Variants in A2M observed in about 807,000 individuals in gnomAD.
A2M encodes the protein alpha-2-macroglobulin, also known as C3 and PZP-like alpha-2-macroglobulin domain-containing protein 5.
A neutral mutation model predicts 183.9 loss-of-function variants in A2M; 128 were observed. The observed-to-expected ratio is 0.70, with a 90% confidence interval of 0.60 to 0.81. A2M has a LOEUF of 0.81. A2M is among the 30% of genes least tolerant of loss of function. The pLI, the probability that A2M is intolerant of heterozygous loss-of-function variation, is 0.00. For missense variants in A2M, 1,495 were observed against 1,787.6 expected (o/e 0.84, Z 2.95); for synonymous variants, 592 against 670.8 (o/e 0.88, Z 1.81).
intron 22 of A2M, among the ~76,000 whole-genome samples, chr12:9,083,061 C>T (rs957630668): frequency 6.6e-6 from 1 of 152,158 alleles, no homozygotes; most frequent in Non-Finnish European, 1.5e-5. Context: ...CCTATTTCTC[C>T]ACATCCTCTC....
Position 9,079,795 on chromosome 12 carries a change from TG to T in A2M, c.2874del (p.Met959CysfsTer32). 6.2e-7 allele frequency: 1 copy of T among 1,610,416 alleles called. No individual in the cohort carries two copies. The highest frequency in any genetic ancestry group is 8.5e-7 in the Non-Finnish European group (1 of 1,178,406). Reference protein sequence around the residue: ...VSVLGDILGSAMQNTQNLLQM... With the variant: ...VSVLGDILGSXMQNTQNLLQM... Reference sequence around the variant, plus strand: ...TGGAGAAGATTTTGTGTGTTTTGCATGGCAGAGCCTAATATGTCTCCTAGAG... The same window carrying T: ...TGGAGAAGATTTTGTGTGTTTTGCATGCAGAGCCTAATATGTCTCCTAGAG... On this transcript the variant is annotated frameshift_variant, in exon 24 of 36. Transcript: ENST00000318602. LOFTEE classifies it high-confidence loss of function.
chr12:9,103,272 G>A (rs895088404), intron 11 of A2M, among the ~76,000 whole-genome samples: 3 of 152,150 alleles, frequency 2.0e-5, no homozygotes, highest in Non-Finnish European at 4.4e-5. Flanking sequence ...CAAGAGTCAG[G>A]TGTTAGTATT....
intron 28 of A2M, among the ~76,000 whole-genome samples, chr12:9,075,998 C>T (rs1185985809): frequency 2.0e-5 from 3 of 152,150 alleles, no homozygotes; most frequent in African/African-American, 7.2e-5. Context: ...TAATGGACAT[C>T]TTGTGATTTG....
In A2M at chr12:9,113,414, G is replaced by C; in HGVS notation, c.216C>G (p.Ser72Arg). ...TCTCCGCCTCCAGGTCAGTGAAGAG[G>C]CTCCTGTTTCCCCTGACAGACTCCA... ...ASLESVRGNRSLFTDLEAEND... is the reference protein window; with the variant it reads ...ASLESVRGNRRLFTDLEAEND... The change falls in exon 2 of 36, where the codon AGC becomes AGG. Residue 72 changes from serine (S) to arginine (R), a missense_variant. Transcript: ENST00000318602. 1.2e-6 allele frequency: 2 copies of C among 1,613,722 alleles called. No homozygotes were observed. Among genetic ancestry groups the C allele is most frequent in the South Asian group, 1.1e-5 (1 of 91,040 alleles).
At chr12:9,111,937 T>C in intron 4 of A2M, 1 of 696,178 alleles carries the variant, frequency 1.4e-6, no homozygotes, top group Non-Finnish European at 2.7e-6. Flanking sequence ...GTAAATTTAA[T>C]TGTGTGACAA....
intron 31 of A2M, 49 bp from the exon 32 acceptor site, chr12:9,070,627 A>T: frequency 7.5e-7 from 1 of 1,336,598 alleles, no homozygotes; most frequent in Non-Finnish European, 1.1e-6. Context: ...GTTTTTAAAT[A>T]TTTTCTTCTT....
intron 22 of A2M, among the ~76,000 whole-genome samples, chr12:9,087,010 G>T (rs191382829): frequency 7.1e-4 from 108 of 151,958 alleles, no homozygotes; most frequent in African/African-American, 2.4e-3. Context: ...GATTGAGAAA[G>T]AAATAAAAAC....
chr12:9,084,114 GA>G (rs1314187012), intron 22 of A2M, among the ~76,000 whole-genome samples: 1 of 152,034 alleles, frequency 6.6e-6, no homozygotes, highest in Non-Finnish European at 1.5e-5. Context: ...AGAAATGAGG[GA>G]GAAATAAAAC....
chr12:9,082,989 G>A (rs147821090), intron 22 of A2M, among the ~76,000 whole-genome samples: 7 of 152,176 alleles, frequency 4.6e-5, no homozygotes, highest in Non-Finnish European at 8.8e-5. Flanking sequence ...CTGAGGAATC[G>A]CCACATTGAC....
Position 9,098,616 on chromosome 12 carries a change from C to T in A2M, c.1842G>A (p.Ser614=), listed in dbSNP as rs377199092. Residue 614 remains serine (S), a synonymous_variant, in exon 15 of 36, where the codon TCG becomes TCA. Transcript: ENST00000318602. ...GCTGCCAGGAACTCACCGAGGACGC[C>T]GAGAGCTCAGCATCAGGCTTCATGA... ...VLLMKPDAEL[S]ASSVYNLLPE... The T allele has an allele frequency of 1.9e-5, 31 of 1,602,102 alleles. No individual in the cohort carries two copies. Among genetic ancestry groups the T allele is most frequent in the Admixed American group, 5.1e-5 (3 of 58,288 alleles).
intron 10 of A2M, 43 bp downstream of exon 10, chr12:9,106,193 G>GT (rs1565601004): frequency 8.6e-7 from 1 of 1,159,726 alleles, no homozygotes; most frequent in Non-Finnish European, 1.3e-6. Flanking sequence ...TGCTAATTAG[G>GT]TAACAGTACA....
chr12:9,100,317 A>G (rs1937728235), intron 13 of A2M, among the ~76,000 whole-genome samples: 1 of 152,192 alleles, frequency 6.6e-6, no homozygotes, highest in Non-Finnish European at 1.5e-5. Context: ...ATTCTCTAAC[A>G]CAATTCTCAT....
At chr12:9,109,209 C>T (rs757388386) in intron 7 of A2M, 112 bp downstream of exon 7, 10 of 725,768 alleles carry the variant, frequency 1.4e-5, no homozygotes, top group Non-Finnish European at 1.9e-5. Context: ...GCTGTCAAAG[C>T]ACTTAAAATT....
At chr12:9,094,917 A>C in intron 17 of A2M, 56 bp downstream of exon 17, 2 of 985,088 alleles carry the variant, frequency 2.0e-6, no homozygotes, top group Non-Finnish European at 2.8e-6. Flanking sequence ...TCTTTTAAAA[A>C]ATTTAAAATT....
chr12:9,093,665 A>C (rs1592364767), intron 17 of A2M, 86 bp from the exon 18 acceptor site: 6 of 758,638 alleles, frequency 7.9e-6, no homozygotes, highest in Admixed American at 3.6e-5. Context: ...AAAAAAAAAA[A>C]ACAAAAAACA....
At chr12:9,111,917 C>G in intron 4 of A2M, 2 of 626,812 alleles carry the variant, frequency 3.2e-6, no homozygotes, top group Non-Finnish European at 6.1e-6. Context: ...AATTAAGAAC[C>G]ATCCGAAAAG....
At chr12:9,111,388 C>CGTA in intron 4 of A2M, 1 of 361,896 alleles carries the variant, frequency 2.8e-6, no homozygotes, top group Admixed American at 3.3e-5. Flanking sequence ...GGTGTGGTGC[C>CGTA]TCATTTTAGA....
rs758957323 is a variant in A2M, at chr12:9,099,466, C to T, written c.1616G>A (p.Arg539Gln). The T allele has an allele frequency of 9.9e-6, 16 of 1,608,660 alleles. No individual in the cohort carries two copies. The highest frequency in any genetic ancestry group is 6.7e-5 in the East Asian group (3 of 44,790). ...AGGTAAAACAGCATAGATGAGCAACCGAGCGACAGGAGCAATGTCTGACTT... is the reference window on the plus strand; with the variant it reads ...AGGTAAAACAGCATAGATGAGCAACTGAGCGACAGGAGCAATGTCTGACTT... ...PVKSDIAPVA[R>Q]LLIYAVLPTG... The change falls in exon 14 of 36, where the codon CGG becomes CAG. Residue 539 changes from arginine (R) to glutamine (Q), a missense_variant. Transcript: ENST00000318602.
intron 14 of A2M, 67 bp from the exon 15 acceptor site, chr12:9,098,823 T>G: frequency 6.5e-7 from 1 of 1,547,492 alleles, no homozygotes; most frequent in Non-Finnish European, 8.8e-7. Flanking sequence ...CACTCGCATT[T>G]GCAGAGTGTT....
Sources: allele counts gnomAD v4.1 joint callset (sites outside exome capture counted in the v4.1 genomes callset), GRCh38; gene constraint gnomAD v4.1.1; transcripts MANE v1.5; gene names NCBI Gene and HGNC (gene_info 2026-07-23, HGNC 2026-07-21).